FAT4: variants seen among roughly 807,000 people sequenced by gnomAD.
FAT4 encodes protocadherin Fat 4.
A neutral mutation model predicts 303.9 loss-of-function variants in FAT4; 84 were observed. The observed-to-expected ratio is 0.28, with a 90% confidence interval of 0.23 to 0.33. The LOEUF (loss-of-function observed/expected upper bound fraction) is 0.33. FAT4 is among the 10% of genes least tolerant of loss of function. The pLI is 1.00. For synonymous variants in FAT4, 2,307 were observed against 2,298.8 expected (o/e 1.00, Z -0.10); for missense variants, 6,005 against 6,146.8 (o/e 0.98, Z 0.77).
Position 125,317,754 on chromosome 4 carries a change from CT to C in FAT4, c.1344del (p.Gly449AlafsTer14). ...VSVSDNYGAP[P>X]GAAVQARSSV... ...GTCTCTGATAACTACGGGGCGCCCC[CT>C]GGCGCAGCAGTCCAGGCGCGCTCTT... is the stretch of plus-strand genomic sequence containing the variant. On this transcript the variant is annotated frameshift_variant, in exon 2 of 18. Coordinates refer to ENST00000394329, the MANE Select transcript of FAT4 (RefSeq NM_001291303.3). LOFTEE classifies it high-confidence loss of function. The surrounding 1 kb of genome is among the most constrained non-coding windows in gnomAD (Gnocchi z 7.0). 6.2e-7 allele frequency: 1 copy of C among 1,614,160 alleles called. No individual in the cohort carries two copies. Among genetic ancestry groups the C allele is most frequent in the Non-Finnish European group, 8.5e-7 (1 of 1,180,034 alleles).
chr4:125,388,120 G>A (rs1578586286), intron 2 of FAT4, among the ~76,000 whole-genome samples: 1 of 152,128 alleles, frequency 6.6e-6, no homozygotes, highest in African/African-American at 2.4e-5. Flanking sequence ...CCATGGCAGA[G>A]GTAGAAAAGA....
chr4:125,423,314 T>A (rs1178116623), intron 7 of FAT4, among the ~76,000 whole-genome samples: 2 of 148,734 alleles, frequency 1.3e-5, no homozygotes, highest in Non-Finnish European at 3.0e-5. Flanking sequence ...AATGGTTTCC[T>A]TGGGTGGGCC....
At chr4:125,424,797 C>T (rs1725031825) in intron 7 of FAT4, among the ~76,000 whole-genome samples, 1 of 152,146 alleles carries the variant, frequency 6.6e-6, no homozygotes, top group South Asian at 2.1e-4. Flanking sequence ...GTTAAATTAA[C>T]TGGCGAGAGA....
intron 2 of FAT4, among the ~76,000 whole-genome samples, chr4:125,375,789 TAGTC>T (rs1733292589): frequency 6.6e-6 from 1 of 152,262 alleles, no homozygotes; most frequent in East Asian, 1.9e-4. Flanking sequence ...TGACAAGTAT[TAGTC>T]AGCTTTTATT....
intron 3 of FAT4, among the ~76,000 whole-genome samples, chr4:125,400,964 T>C (rs1734366514): frequency 6.6e-6 from 1 of 151,978 alleles, no homozygotes; most frequent in African/African-American, 2.4e-5. Flanking sequence ...TGACTGTGCC[T>C]GAAGGCATAA....
chr4:125,488,384 C>T (rs955060801), intron 17 of FAT4, among the ~76,000 whole-genome samples: 1 of 152,096 alleles, frequency 6.6e-6, no homozygotes, highest in African/African-American at 2.4e-5. Flanking sequence ...AGTAATATTA[C>T]AGATCATTCA....
intron 8 of FAT4, among the ~76,000 whole-genome samples, chr4:125,440,603 G>A (rs539554350): frequency 3.6e-5 from 3 of 83,272 alleles, no homozygotes; most frequent in Non-Finnish European, 4.8e-5. Context: ...GTGTGTGTGT[G>A]TGTGTGTGAG....
chr4:125,450,776 G>A lies in FAT4; in HGVS notation c.9766G>A (p.Gly3256Ser). 1 of 1,614,016 alleles carries A rather than the reference G, an allele frequency of 6.2e-7. No homozygotes were observed. The highest frequency in any genetic ancestry group is 8.5e-7 in the Non-Finnish European group (1 of 1,179,990). ...TAACACAGGAGTCATAACCACTCAA[G>A]GCTTCTTGGATTTTGAAACCAAGCA... is the stretch of plus-strand genomic sequence containing the variant. ...DPNTGVITTQ[G>S]FLDFETKQSY... The change falls in exon 10 of 18, where the codon GGC (glycine) becomes AGC (serine). Residue 3256 changes from glycine (G) to serine (S), a missense_variant. Gly to Ser is a moderately conservative substitution (Grantham distance 56). Coordinates refer to ENST00000394329, the MANE Select transcript of FAT4 (RefSeq NM_001291303.3).
chr4:125,400,054 C>A (rs921522104), intron 3 of FAT4, among the ~76,000 whole-genome samples: 2 of 151,674 alleles, frequency 1.3e-5, no homozygotes, highest in Admixed American at 1.3e-4. Context: ...AAAGTAGCAG[C>A]AATAACAAAA....
Position 125,389,503 on chromosome 4 carries a change from A to T in FAT4, c.5176-9281A>T, listed in dbSNP as rs568753443. Among the ~76,000 whole-genome samples the T allele has an allele frequency of 5.3e-5, 8 of 152,264 alleles. No homozygotes were observed. In the South Asian group the frequency reaches 1.7e-3, roughly 32 times the overall value. On this transcript the variant is annotated intron_variant, in intron 2 of 17. Transcript: ENST00000394329. ...TGCACCAAATGCATACACTTACTTTATGATAATTTCTGAAACTTAAGTAGA... is the reference window on the plus strand; with the variant it reads ...TGCACCAAATGCATACACTTACTTTTTGATAATTTCTGAAACTTAAGTAGA...
At chr4:125,325,844 T>G (rs1731130030) in intron 2 of FAT4, among the ~76,000 whole-genome samples, 1 of 152,218 alleles carries the variant, frequency 6.6e-6, no homozygotes, top group African/African-American at 2.4e-5. Flanking sequence ...CTGCTTTGAT[T>G]TGTGCTAAAG....
Position 125,450,284 on chromosome 4 carries a change from T to G in FAT4, c.9274T>G (p.Ser3092Ala). 6.2e-7 allele frequency: 1 copy of G among 1,614,082 alleles called. No homozygotes were observed. The highest frequency in any genetic ancestry group is 8.5e-7 in the Non-Finnish European group (1 of 1,179,996). ...TEENYHTPEF[S>A]QSHMSATIPE... ...GGAAAACTACCATACACCTGAATTC[T>G]CTCAAAGCCACATGAGTGCAACCAT... Residue 3092 changes from serine to alanine, a missense_variant, in exon 10 of 18, where the codon TCT (serine) becomes GCT (alanine). Physicochemically the swap from Ser to Ala is moderately conservative, Grantham distance 99. Transcript: ENST00000394329.
intron 14 of FAT4, among the ~76,000 whole-genome samples, chr4:125,477,968 A>G (rs1051863560): frequency 6.6e-6 from 1 of 152,136 alleles, no homozygotes; most frequent in Admixed American, 6.5e-5. Context: ...CCCAGAGACA[A>G]CTACTCTTAG....
chr4:125,350,213 G>T (rs1050644336), intron 2 of FAT4, among the ~76,000 whole-genome samples: 10 of 151,616 alleles, frequency 6.6e-5, no homozygotes, highest in African/African-American at 2.4e-4. Context: ...AAAGTAACTT[G>T]GTTGGTGTTT....
chr4:125,436,047 G>A (rs145841119), intron 8 of FAT4, among the ~76,000 whole-genome samples: 4 of 149,254 alleles, frequency 2.7e-5, no homozygotes, highest in South Asian at 4.3e-4. Flanking sequence ...TCATGGGGTC[G>A]GGGGAGGGGG....
rs1725988697 is a variant in FAT4, at chr4:125,449,962, A to G, written c.8952A>G (p.Gln2984=). Residue 2984 remains glutamine (Q), a synonymous_variant, in exon 10 of 18, where the codon CAA becomes CAG. Transcript: ENST00000394329. ...TGGACAGTAATGACAATGCACCTCA[A>G]TTTCTTAAAAGTAAATATTTCACTC... ...NIVDSNDNAP[Q]FLKSKYFTPV... 1 of 1,613,698 alleles carries G rather than the reference A, an allele frequency of 6.2e-7. No homozygotes were observed. Among genetic ancestry groups the G allele is most frequent in the Non-Finnish European group, 8.5e-7 (1 of 1,179,906 alleles).
chr4:125,317,092 G>C lies in FAT4; in HGVS notation c.681G>C (p.Glu227Asp). 10 of 1,613,986 alleles carry C rather than the reference G, an allele frequency of 6.2e-6. No homozygotes were observed. The highest frequency in any genetic ancestry group is 8.5e-6 in the Non-Finnish European group (10 of 1,180,048). ...TGGTTGAGGTGGAGGACAAGGGTGA[G>C]CCTAAGCGGCGGGGCTACCTTCAGG... ...QLLVEVEDKG[E>D]PKRRGYLQVN... The change falls in exon 2 of 18, where the codon GAG (glutamate) becomes GAC (aspartate). Residue 227 changes from glutamate to aspartate, a missense_variant. Glu to Asp is a conservative substitution (Grantham distance 45). Coordinates refer to ENST00000394329, the MANE Select transcript of FAT4 (RefSeq NM_001291303.3). This position sits in a 1 kb window ranked among gnomAD's most constrained non-coding sequence, Gnocchi z 7.0.
In FAT4 at chr4:125,463,603, C is replaced by A. The variant is rs758141491; in HGVS notation, c.11841C>A (p.Asn3947Lys). 3.7e-6 allele frequency: 6 copies of A among 1,600,650 alleles called. No homozygotes were observed. The African/African-American group carries it at 4.0e-5, about 11-fold the overall frequency. The change falls in exon 11 of 18, where the codon AAC (asparagine) becomes AAA (lysine). Residue 3947 changes from asparagine to lysine, a missense_variant. Coordinates refer to ENST00000394329, the MANE Select transcript of FAT4 (RefSeq NM_001291303.3). The part of the protein sequence containing the change: ...CESSVNYCEC[N>K]PCFNGGSCQS... Reference sequence around the variant, plus strand: ...CTTCAGTCAATTACTGTGAATGCAACCCCTGCTTTAATGGTGGTTCCTGCC... The same window carrying A: ...CTTCAGTCAATTACTGTGAATGCAAACCCTGCTTTAATGGTGGTTCCTGCC...
At chr4:125,477,049 T>C (rs968284226) in intron 13 of FAT4, 106 bp from the exon 14 acceptor site, 16 of 857,854 alleles carry the variant, frequency 1.9e-5, no homozygotes, top group Non-Finnish European at 2.4e-5. Flanking sequence ...TATCACACTA[T>C]AATAAATGTC....
Sources: allele counts gnomAD v4.1 joint callset (sites outside exome capture counted in the v4.1 genomes callset), GRCh38; gene constraint gnomAD v4.1.1; non-coding constraint Gnocchi (gnomAD v3.1); transcripts MANE v1.5; gene names NCBI Gene and HGNC (gene_info 2026-07-23, HGNC 2026-07-21).